The following NRG3 variants were observed in gnomAD, a reference collection of about 807,000 sequenced individuals.
NRG3 encodes neuregulin 3.
NRG3 carries 31 observed loss-of-function variants against 66.9 expected under a neutral mutation model. The observed-to-expected ratio is 0.46, with a 90% CI of 0.35 to 0.63. NRG3 has a LOEUF of 0.63. NRG3 is among the 20% of genes least tolerant of loss of function. NRG3 has a pLI of 0.00. For missense variants in NRG3, 910 were observed against 878.9 expected (o/e 1.04, Z -0.45); for synonymous variants, 393 against 359.4 (o/e 1.09, Z -1.06).
intron 4 of NRG3, among the ~76,000 whole-genome samples, chr10:82,934,305 A>G (rs1401994116): frequency 6.6e-6 from 1 of 152,168 alleles, no homozygotes. Flanking sequence ...TACTTTTTAT[A>G]ATTGGAGGTT....
At chr10:82,409,222 C>G (rs1332076841) in intron 2 of NRG3, among the ~76,000 whole-genome samples, 1 of 152,138 alleles carries the variant, frequency 6.6e-6, no homozygotes, top group African/African-American at 2.4e-5. Context: ...TTAGATAAGT[C>G]ATTTTTATTT....
At chr10:82,521,913 C>G (rs1365924432) in intron 2 of NRG3, among the ~76,000 whole-genome samples, 1 of 152,148 alleles carries the variant, frequency 6.6e-6, no homozygotes, top group African/African-American at 2.4e-5. Flanking sequence ...CCATAAAATG[C>G]AACTCCTCAT....
At chr10:82,687,029 A>C (rs144280637) in intron 2 of NRG3, among the ~76,000 whole-genome samples, 1 of 152,142 alleles carries the variant, frequency 6.6e-6, no homozygotes, top group African/African-American at 2.4e-5. Flanking sequence ...AATAAAATCA[A>C]CTCAGCATTC....
chr10:82,647,247 A>C (rs967938112), intron 2 of NRG3, among the ~76,000 whole-genome samples: 1 of 151,994 alleles, frequency 6.6e-6, no homozygotes. Flanking sequence ...GAGTGAGAAT[A>C]TGCGGTGTTT....
chr10:82,862,254 G>A (rs342395), intron 3 of NRG3, among the ~76,000 whole-genome samples: 21,939 of 152,118 alleles, frequency 0.14, 1,582 homozygotes, highest in African/African-American at 0.18. Context: ...ACAAAAGTCT[G>A]TTATTCCTGA....
chr10:82,522,703 A>G (rs1039189452), intron 2 of NRG3, among the ~76,000 whole-genome samples: 6 of 137,142 alleles, frequency 4.4e-5, no homozygotes, highest in Non-Finnish European at 7.8e-5. Flanking sequence ...CCTGTTTACT[A>G]AAAAAAAAAA....
chr10:82,403,208 T>C (rs1693682551), intron 2 of NRG3, among the ~76,000 whole-genome samples: 1 of 152,142 alleles, frequency 6.6e-6, no homozygotes, highest in Admixed American at 6.5e-5. Flanking sequence ...ATTGACTCTA[T>C]TTTCTCAGTG....
At chr10:82,446,827 G>T (rs755251160) in intron 2 of NRG3, among the ~76,000 whole-genome samples, 4 of 152,238 alleles carry the variant, frequency 2.6e-5, no homozygotes, top group East Asian at 3.9e-4. Context: ...ACTGCTTCCC[G>T]CAATGTCCCC....
At chr10:82,032,509 A>G (rs756725459) in intron 1 of NRG3, among the ~76,000 whole-genome samples, 1 of 152,056 alleles carries the variant, frequency 6.6e-6, no homozygotes, top group Non-Finnish European at 1.5e-5. Context: ...TCCTAAGAGT[A>G]GAAAATTCTC....
intron 3 of NRG3, among the ~76,000 whole-genome samples, chr10:82,838,322 G>A (rs1249418595): frequency 1.3e-5 from 2 of 152,206 alleles, no homozygotes; most frequent in African/African-American, 2.4e-5. Context: ...AAATGTCTGT[G>A]TATGTTAAAT....
chr10:82,895,054 G>A (rs1843517406), intron 4 of NRG3, among the ~76,000 whole-genome samples: 1 of 152,140 alleles, frequency 6.6e-6, no homozygotes, highest in Non-Finnish European at 1.5e-5. Context: ...TCATCCGTGT[G>A]CCTGCAAAGG....
At chr10:82,352,375 C>T (rs2083488926) in intron 1 of NRG3, among the ~76,000 whole-genome samples, 1 of 152,162 alleles carries the variant, frequency 6.6e-6, no homozygotes, top group Admixed American at 6.5e-5. Context: ...TAAATCATCT[C>T]AAAGGCTAGG....
intron 1 of NRG3, among the ~76,000 whole-genome samples, chr10:82,030,808 G>T (rs1420056530): frequency 1.3e-5 from 2 of 152,158 alleles, no homozygotes; most frequent in Non-Finnish European, 2.9e-5. Context: ...AATAGGTTGT[G>T]CAAGAACCAA....
At chr10:82,113,988 TC>T (rs1272298541) in intron 1 of NRG3, among the ~76,000 whole-genome samples, 5 of 152,266 alleles carry the variant, frequency 3.3e-5, no homozygotes, top group African/African-American at 9.6e-5. Flanking sequence ...ACCAGCCTTC[TC>T]CCTACTCCCC....
chr10:82,357,410 T>G (rs1372225662), intron 1 of NRG3, among the ~76,000 whole-genome samples: 2 of 152,244 alleles, frequency 1.3e-5, no homozygotes, highest in African/African-American at 2.4e-5. Flanking sequence ...GACCTTCATT[T>G]ACTGTCTTAG....
At chr10:82,196,933 C>T (rs755491450) in intron 1 of NRG3, among the ~76,000 whole-genome samples, 4 of 152,202 alleles carry the variant, frequency 2.6e-5, no homozygotes, top group Non-Finnish European at 4.4e-5. Flanking sequence ...CTTAAAGCTA[C>T]CTCAAACCCA....
intron 2 of NRG3, among the ~76,000 whole-genome samples, chr10:82,524,519 G>A (rs1328575823): frequency 2.0e-5 from 3 of 151,662 alleles, no homozygotes; most frequent in Non-Finnish European, 4.4e-5. Context: ...TCTATAAAAA[G>A]GCCTAGGCAT....
chr10:82,902,358 G>A (rs1024713931), intron 4 of NRG3, among the ~76,000 whole-genome samples: 1 of 152,000 alleles, frequency 6.6e-6, no homozygotes, highest in Non-Finnish European at 1.5e-5. Flanking sequence ...ACAACAATTT[G>A]CTTAGTTATA....
intron 3 of NRG3, among the ~76,000 whole-genome samples, chr10:82,742,662 G>A (rs543712053): frequency 6.6e-6 from 1 of 152,126 alleles, no homozygotes; most frequent in Non-Finnish European, 1.5e-5. Flanking sequence ...TGGAGGAGCC[G>A]GCATCAGCTA....
Sources: gnomAD v4.1 joint callset for allele counts (sites outside exome capture counted in the v4.1 genomes callset) on GRCh38, gnomAD v4.1.1 for gene constraint, MANE v1.5 for transcripts, NCBI Gene and HGNC (gene_info 2026-07-23, HGNC 2026-07-21) for gene names.